The following ANKRD13D variants were observed in gnomAD, a reference collection of about 807,000 sequenced individuals.
ANKRD13D encodes the protein ankyrin repeat domain 13D, also known as ankyrin repeat domain-containing protein 13D.
ANKRD13D carries 24 observed loss-of-function variants against 68.8 expected under a neutral mutation model. That is an observed-to-expected ratio of 0.35 (90% CI 0.25 to 0.49). ANKRD13D has a LOEUF of 0.49. ANKRD13D is among the 20% of genes least tolerant of loss of function. The pLI, the probability that ANKRD13D is intolerant of heterozygous loss-of-function variation, is 0.99. For missense variants in ANKRD13D, 735 were observed against 832.1 expected (o/e 0.88, Z 1.44); for synonymous variants, 331 against 336.1 (o/e 0.98, Z 0.16).
chr11:67,292,247 G>T, intron 6 of ANKRD13D, 67 bp downstream of exon 6: 6 of 1,481,594 alleles, frequency 4.0e-6, no homozygotes, highest in Non-Finnish European at 5.5e-6. Context: ...ATTAATGAGG[G>T]CAGGGCGATC....
Position 67,289,466 on chromosome 11 carries a change from C to G in ANKRD13D, c.6C>G (p.Ala2=). ...ATGCGGCGCTGAGGCCCAGCATGGCCGGCCCGGGCCCCACCTTCCCGCTGC... is the reference window on the plus strand; with the variant it reads ...ATGCGGCGCTGAGGCCCAGCATGGCGGGCCCGGGCCCCACCTTCCCGCTGC... The part of the protein sequence containing the change: M[A]GPGPTFPLHR... The change falls in exon 1 of 15, where the codon GCC becomes GCG. Residue 2 remains alanine (A), a synonymous_variant. Transcript: ENST00000511455. 2.0e-6 allele frequency: 3 copies of G among 1,494,336 alleles called. No homozygotes were observed. The highest frequency in any genetic ancestry group is 2.7e-6 in the Non-Finnish European group (3 of 1,129,786). 92.6% of individuals were successfully genotyped at this position (1,494,336 alleles called of 1,614,324 possible). A position where few individuals can be genotyped will look rare whatever the true frequency, so the allele number is the denominator to read the frequency against.
intron 3 of ANKRD13D, 137 bp downstream of exon 3, chr11:67,290,583 T>A: frequency 7.4e-7 from 1 of 1,343,848 alleles, no homozygotes; most frequent in East Asian, 2.6e-5. Context: ...CTGTCTATCT[T>A]GACCCCAGCC....
intron 6 of ANKRD13D, among the ~76,000 whole-genome samples, chr11:67,296,373 GTA>G (rs1004083949): frequency 4.0e-5 from 6 of 149,454 alleles, no homozygotes; most frequent in African/African-American, 1.5e-4. Flanking sequence ...GTGTATGTGT[GTA>G]TAGTTTTTTG....
At chr11:67,291,027 A>T (rs76764674) in intron 3 of ANKRD13D, 2,029 of 201,386 alleles carry the variant, frequency 0.01, 42 homozygotes, top group African/African-American at 0.046. Context: ...TCCAGGGCAG[A>T]GTGGTTGGGC....
intron 2 of ANKRD13D, 54 bp from the exon 3 acceptor site, chr11:67,290,268 C>T: frequency 1.3e-6 from 2 of 1,545,688 alleles, no homozygotes; most frequent in Admixed American, 2.0e-5. Context: ...GGGCAGTGAG[C>T]AGCCAGGCCT....
Position 67,289,357 on chromosome 11 carries a change from G to A in ANKRD13D, c.-104G>A. 1 of 812,206 alleles carries A rather than the reference G, an allele frequency of 1.2e-6. No homozygotes were observed. Among genetic ancestry groups the A allele is most frequent in the Non-Finnish European group, 1.6e-6 (1 of 644,540 alleles). 50.3% of individuals were successfully genotyped at this position (812,206 alleles called of 1,614,324 possible). Reference sequence around the variant, plus strand: ...CGCCGCCGCCGCCGCTACTGCTGCGGGGGCCGCGGGGGGCGCAGCTGGGGC... The same window carrying A: ...CGCCGCCGCCGCCGCTACTGCTGCGAGGGCCGCGGGGGGCGCAGCTGGGGC... On this transcript the variant is annotated 5_prime_UTR_variant, in exon 1 of 15. Transcript: ENST00000511455.
intron 6 of ANKRD13D, among the ~76,000 whole-genome samples, chr11:67,293,367 A>T (rs1218299831): frequency 6.6e-6 from 1 of 152,234 alleles, no homozygotes; most frequent in South Asian, 2.1e-4. Flanking sequence ...GAGAAGTGAT[A>T]GCTCACTGTG....
At chr11:67,295,244 C>T (rs1279732819) in intron 6 of ANKRD13D, among the ~76,000 whole-genome samples, 3 of 151,850 alleles carry the variant, frequency 2.0e-5, no homozygotes, top group East Asian at 1.9e-4. Flanking sequence ...GGTGAAACCC[C>T]ATCTGTACTA....
Position 67,301,109 on chromosome 11 carries a change from T to C in ANKRD13D, c.1193T>C (p.Ile398Thr). 1 of 1,614,044 alleles carries C rather than the reference T, an allele frequency of 6.2e-7. No individual in the cohort carries two copies. Among genetic ancestry groups the C allele is most frequent in the Non-Finnish European group, 8.5e-7 (1 of 1,179,998 alleles). Residue 398 changes from isoleucine (I) to threonine (T), a missense_variant, in exon 11 of 15, where the codon ATC becomes ACC. Physicochemically the swap from Ile to Thr is moderately conservative, Grantham distance 89. Coordinates refer to ENST00000511455, the MANE Select transcript of ANKRD13D (RefSeq NM_207354.3). The surrounding 1 kb of genome is among the most constrained non-coding windows in gnomAD (Gnocchi z 4.5). ...NAHFAKLRDF[I>T]TLRLPPGFPV... ...CACTTTGCCAAGCTGCGCGACTTCATCACTCTGCGCCTTCCACCTGGCTTC... is the reference window on the plus strand; with the variant it reads ...CACTTTGCCAAGCTGCGCGACTTCACCACTCTGCGCCTTCCACCTGGCTTC...
intron 3 of ANKRD13D, 141 bp downstream of exon 3, chr11:67,290,587 C>A: frequency 3.8e-6 from 5 of 1,321,456 alleles, no homozygotes; most frequent in South Asian, 1.5e-5. Context: ...CTATCTTGAC[C>A]CCAGCCCAGG....
chr11:67,290,725 G>A lies in ANKRD13D; in HGVS notation c.351+279G>A, dbSNP rs536595611. On this transcript the variant is annotated intron_variant, in intron 3 of 14. Transcript: ENST00000511455. ...TGGAGCAGGGACTTCAGGTTGACTC[G>A]GTGGATTATGGCCTGAAACCCTGGA... 2.2e-4 allele frequency: 89 copies of A among 404,362 alleles called. 1 individual carries two copies. The South Asian group carries it at 3.1e-3, about 14-fold the overall frequency. The allele number at this position is 404,362 out of a possible 1,614,324, so 25.0% of individuals were successfully genotyped here.
chr11:67,292,634 C>A (rs994401933), intron 6 of ANKRD13D, among the ~76,000 whole-genome samples: 27 of 150,988 alleles, frequency 1.8e-4, no homozygotes, highest in Non-Finnish European at 2.7e-4. Flanking sequence ...AAAAAAAAAA[C>A]AAAAAACCTT....
rs1347859267 is a variant in ANKRD13D, at chr11:67,289,390, G to C, written c.-71G>C. The C allele has an allele frequency of 4.3e-6, 5 of 1,162,726 alleles. No homozygotes were observed. The highest frequency in any genetic ancestry group is 5.4e-6 in the Non-Finnish European group (5 of 922,486). The allele number at this position is 1,162,726 out of a possible 1,614,324, so 72.0% of individuals were successfully genotyped here. ...GGGGGGCGCAGCTGGGGCGCGGCTC[G>C]GAGGGGAGGCTAGGGGGCCGTGCCA... On this transcript the variant is annotated 5_prime_UTR_variant, in exon 1 of 15. Coordinates refer to ENST00000511455, the MANE Select transcript of ANKRD13D (RefSeq NM_207354.3).
In ANKRD13D at chr11:67,302,349, G is replaced by A; in HGVS notation, c.*17G>A. 1 of 1,484,046 alleles carries A rather than the reference G, an allele frequency of 6.7e-7. No homozygotes were observed. Among genetic ancestry groups the A allele is most frequent in the East Asian group, 2.5e-5 (1 of 39,970 alleles). 91.9% of individuals were successfully genotyped at this position (1,484,046 alleles called of 1,614,324 possible). ...GAGCACTGAGCCATAGCCCCGGGAG[G>A]GCTGGCCAGGCCACTCCCTGCCCGC... On this transcript the variant is annotated 3_prime_UTR_variant, in exon 15 of 15. Transcript: ENST00000511455.
At chr11:67,295,294 G>GT (rs1191802056) in intron 6 of ANKRD13D, among the ~76,000 whole-genome samples, 28 of 152,142 alleles carry the variant, frequency 1.8e-4, no homozygotes, top group Admixed American at 9.8e-4. Flanking sequence ...GCGGGCGCCT[G>GT]TAATCCCAGC....
intron 6 of ANKRD13D, among the ~76,000 whole-genome samples, chr11:67,296,672 C>G (rs1359672591): frequency 5.9e-5 from 9 of 151,962 alleles, no homozygotes; most frequent in Admixed American, 5.9e-4. Flanking sequence ...CTCTGTCACC[C>G]AGGCTGAAGT....
chr11:67,296,146 C>T (rs536738523), intron 6 of ANKRD13D, among the ~76,000 whole-genome samples: 1 of 152,034 alleles, frequency 6.6e-6, no homozygotes, highest in Non-Finnish European at 1.5e-5. Context: ...GATTTTGTGT[C>T]CATATTCATA....
intron 14 of ANKRD13D, 48 bp from the exon 15 acceptor site, chr11:67,302,071 C>A (rs1334295304): frequency 5.4e-6 from 8 of 1,489,168 alleles, no homozygotes; most frequent in Non-Finnish European, 7.2e-6. Context: ...TCTGCCCCAG[C>A]CTTGGCGCTC....
At position 67,290,619 on chromosome 11, in the gene ANKRD13D, G is replaced by A. The variant is rs995612742; in HGVS notation, c.351+173G>A. 6.5e-6 allele frequency: 7 copies of A among 1,077,110 alleles called. No homozygotes were observed. The African/African-American group carries it at 9.6e-5, about 15-fold the overall frequency. The allele number at this position is 1,077,110 out of a possible 1,614,324, so 66.7% of individuals were successfully genotyped here. A position where few individuals can be genotyped will look rare whatever the true frequency, so the allele number is the denominator to read the frequency against. On this transcript the variant is annotated intron_variant, in intron 3 of 14. Transcript: ENST00000511455. Reference sequence around the variant, plus strand: ...CAGGGTCACGTAGGAAAGAGAGACGGCCAGGCTCACGTGGGAGAGACTGGA... The same window carrying A: ...CAGGGTCACGTAGGAAAGAGAGACGACCAGGCTCACGTGGGAGAGACTGGA...
Sources: allele counts gnomAD v4.1 joint callset (sites outside exome capture counted in the v4.1 genomes callset), GRCh38; gene constraint gnomAD v4.1.1; non-coding constraint Gnocchi (gnomAD v3.1); transcripts MANE v1.5; gene names NCBI Gene and HGNC (gene_info 2026-07-23, HGNC 2026-07-21).